Variants in SNX24 observed in about 807,000 individuals in gnomAD.
SNX24 encodes the protein sorting nexin 24.
In SNX24, 22 loss-of-function variants were observed where a neutral mutation model predicts 28.7. The ratio of observed to expected loss-of-function variants is 0.77; its 90% CI spans 0.55 to 1.10. SNX24 has a LOEUF of 1.10. Among genes scored for constraint, SNX24 ranks in the 50% least tolerant of loss-of-function variants. The pLI is 0.00. For synonymous variants in SNX24, 69 were observed against 71.5 expected (o/e 0.96, Z 0.18); for missense variants, 221 against 201.1 (o/e 1.10, Z -0.60).
chr5:122,992,475 A>G (rs1761895962), intron 3 of SNX24, among the ~76,000 whole-genome samples: 1 of 152,048 alleles, frequency 6.6e-6, no homozygotes, highest in Admixed American at 6.5e-5. Flanking sequence ...GACCTTCCTT[A>G]AGGGTTTTTT....
intron 1 of SNX24, among the ~76,000 whole-genome samples, chr5:122,888,274 C>T (rs1401858354): frequency 1.3e-5 from 2 of 152,156 alleles, no homozygotes; most frequent in Admixed American, 6.6e-5. Flanking sequence ...TTGTTGCATC[C>T]TCCTGGTCCC....
intron 3 of SNX24, among the ~76,000 whole-genome samples, chr5:122,982,248 A>T (rs1761424671): frequency 6.6e-6 from 1 of 152,150 alleles, no homozygotes; most frequent in Non-Finnish European, 1.5e-5. Flanking sequence ...AAACTGAAGG[A>T]GCTGTTGTAT....
intron 1 of SNX24, among the ~76,000 whole-genome samples, chr5:122,908,390 T>C (rs1757738526): frequency 6.6e-6 from 1 of 152,196 alleles, no homozygotes; most frequent in Non-Finnish European, 1.5e-5. Context: ...GGTTGACAGC[T>C]GACATCTCCT....
chr5:123,012,516 T>C (rs992463324), downstream of SNX24, among the ~76,000 whole-genome samples: 1 of 152,014 alleles, frequency 6.6e-6, no homozygotes, highest in African/African-American at 2.4e-5. Context: ...AAAGAGGAAA[T>C]GGAGAATTAG....
chr5:122,891,728 T>G (rs1233738873), intron 1 of SNX24, among the ~76,000 whole-genome samples: 1 of 152,260 alleles, frequency 6.6e-6, no homozygotes, highest in Non-Finnish European at 1.5e-5. Context: ...ATGTAGAGAC[T>G]TACCTTTTTC....
intron 6 of SNX24, among the ~76,000 whole-genome samples, chr5:123,005,761 A>G (rs1196610271): frequency 1.3e-5 from 2 of 152,238 alleles, no homozygotes; most frequent in Non-Finnish European, 2.9e-5. Context: ...TCTATGTGGG[A>G]GAAATACATT....
rs1192642521 is a variant in SNX24, at chr5:122,956,383, C to T, written c.249+10224C>T. On this transcript the variant is annotated intron_variant, in intron 3 of 6. Transcript: ENST00000261369. ...AAAAATATATACACACACACACACA[C>T]ACACACACACACACACACACACATA... 6.7e-3 allele frequency among the ~76,000 whole-genome samples: 993 copies of T among 149,012 alleles called. 17 individuals carry two copies. The highest frequency in any genetic ancestry group is 0.022 in the African/African-American group (902 of 40,384).
chr5:123,006,656 G>GA (rs1762431465), intron 6 of SNX24, among the ~76,000 whole-genome samples: 1 of 152,164 alleles, frequency 6.6e-6, no homozygotes, highest in Non-Finnish European at 1.5e-5. Context: ...GGGGCACCCC[G>GA]TGCCCTCCAG....
chr5:122,952,757 A>C (rs1236078853), intron 3 of SNX24, among the ~76,000 whole-genome samples: 1 of 152,226 alleles, frequency 6.6e-6, no homozygotes. Context: ...TAAGATTACA[A>C]TAGGATGCTG....
At chr5:122,853,196 G>A (rs1431888095) in intron 1 of SNX24, among the ~76,000 whole-genome samples, 2 of 135,606 alleles carry the variant, frequency 1.5e-5, no homozygotes, top group African/African-American at 2.8e-5. Context: ...GCACGATCTC[G>A]GCTCACTGCA....
chr5:123,009,264 T>TAC (rs926055645), downstream of SNX24: 314 of 942,022 alleles, frequency 3.3e-4, no homozygotes, highest in Middle Eastern at 1.6e-3. Flanking sequence ...TCTGTCTGTT[T>TAC]ACACACACAC....
At chr5:122,870,764 C>G (rs563871400) in intron 1 of SNX24, among the ~76,000 whole-genome samples, 1 of 152,266 alleles carries the variant, frequency 6.6e-6, no homozygotes, top group Admixed American at 6.5e-5. Flanking sequence ...GGAAAAACTT[C>G]AGGTGTTAGC....
chr5:122,951,987 A>C (rs1581789622), intron 3 of SNX24, among the ~76,000 whole-genome samples: 1 of 152,252 alleles, frequency 6.6e-6, no homozygotes, highest in East Asian at 1.9e-4. Context: ...GCATGACGCC[A>C]CAAGAGGAAA....
chr5:122,864,213 A>C (rs1024014899), intron 1 of SNX24, among the ~76,000 whole-genome samples: 2 of 152,272 alleles, frequency 1.3e-5, no homozygotes, highest in South Asian at 4.2e-4. Context: ...ATGGCTTAGA[A>C]CAACATGTTA....
At chr5:122,872,306 A>G (rs998451589) in intron 1 of SNX24, among the ~76,000 whole-genome samples, 12 of 151,934 alleles carry the variant, frequency 7.9e-5, no homozygotes, top group Non-Finnish European at 5.9e-5. Context: ...GGTTAAACCA[A>G]TTATTAACAG....
chr5:122,906,148 T>A (rs1255924730), intron 1 of SNX24, among the ~76,000 whole-genome samples: 1 of 152,206 alleles, frequency 6.6e-6, no homozygotes, highest in Non-Finnish European at 1.5e-5. Context: ...CTGAAATGTT[T>A]TTGAAAGTAC....
intron 3 of SNX24, among the ~76,000 whole-genome samples, chr5:122,981,248 A>T (rs558525721): frequency 1.4e-4 from 21 of 152,316 alleles, no homozygotes; most frequent in African/African-American, 4.8e-4. Context: ...CATCAGAAAA[A>T]GTCCTCCCCA....
intron 4 of SNX24, among the ~76,000 whole-genome samples, chr5:123,001,011 A>G (rs1434620312): frequency 6.6e-6 from 1 of 152,234 alleles, no homozygotes; most frequent in Non-Finnish European, 1.5e-5. Context: ...AACAAAAATT[A>G]TACACTTGGC....
chr5:122,934,454 G>A (rs778781019), intron 1 of SNX24, among the ~76,000 whole-genome samples: 2 of 152,090 alleles, frequency 1.3e-5, no homozygotes, highest in Non-Finnish European at 2.9e-5. Context: ...CTGCCTCCTA[G>A]GTTCAAGCGA....
Sources: allele counts gnomAD v4.1 joint callset (sites outside exome capture counted in the v4.1 genomes callset), GRCh38; gene constraint gnomAD v4.1.1; transcripts MANE v1.5; gene names NCBI Gene and HGNC (gene_info 2026-07-23, HGNC 2026-07-21).